The following BCR variants were observed in gnomAD, a reference collection of about 807,000 sequenced individuals.
The protein encoded by BCR is BCR activator of RhoGEF and GTPase.
In BCR, 58 loss-of-function variants were observed where a neutral mutation model predicts 138.6. The observed-to-expected ratio is 0.42, with a 90% confidence interval of 0.34 to 0.52. The LOEUF is 0.52. Ranked by LOEUF, BCR falls within the 20% of genes least tolerant of loss-of-function variation. The probability of loss-of-function intolerance (pLI) is 0.06; values close to 1 mark genes in which losing one functional copy is unlikely to be tolerated. For missense variants in BCR, 1,599 were observed against 1,727.2 expected (o/e 0.93, Z 1.32); for synonymous variants, 786 against 730.1 (o/e 1.08, Z -1.23).
At chr22:23,282,695 A>G (rs2146298366) in intron 8 of BCR, among the ~76,000 whole-genome samples, 1 of 152,170 alleles carries the variant, frequency 6.6e-6, no homozygotes, top group South Asian at 2.1e-4. Context: ...AGGCCTCATC[A>G]CTTCTCGAGA....
At chr22:23,204,423 T>A (rs1455723296) in intron 1 of BCR, among the ~76,000 whole-genome samples, 1 of 142,240 alleles carries the variant, frequency 7.0e-6, no homozygotes, top group Admixed American at 6.7e-5. Flanking sequence ...GTCATGTTGC[T>A]CTGAGTTCCC....
At position 23,240,757 on chromosome 22, in the gene BCR, A is replaced by G. The variant is rs572700281; in HGVS notation, c.1280-13042A>G. 5.3e-5 allele frequency among the ~76,000 whole-genome samples: 8 copies of G among 152,246 alleles called. No individual in the cohort carries two copies. The South Asian group carries it at 1.2e-3, about 24-fold the overall frequency. ...TGGTATTCAGTACATCCACATTATC[A>G]TACACCTGTCACTACTGTCCATCTC... is the stretch of plus-strand genomic sequence containing the variant. On this transcript the variant is annotated intron_variant, in intron 1 of 22. Coordinates refer to ENST00000305877, the MANE Select transcript of BCR (RefSeq NM_004327.4).
chr22:23,232,369 G>A (rs1282451471), intron 1 of BCR, among the ~76,000 whole-genome samples: 4 of 152,334 alleles, frequency 2.6e-5, no homozygotes, highest in Non-Finnish European at 5.9e-5. Context: ...GGCAGTGGTA[G>A]GGCTGGGTTT....
intron 8 of BCR, among the ~76,000 whole-genome samples, chr22:23,275,783 C>G (rs114574998): frequency 0.012 from 1,825 of 152,326 alleles, 31 homozygotes; most frequent in African/African-American, 0.042. Context: ...GATGCCTGCT[C>G]TTTCTCTTCT....
intron 1 of BCR, among the ~76,000 whole-genome samples, chr22:23,247,077 C>A (rs1444523007): frequency 6.6e-6 from 1 of 152,112 alleles, no homozygotes; most frequent in Non-Finnish European, 1.5e-5. Flanking sequence ...GAGGACAGTG[C>A]CTGCCTGACA....
rs2072223049 is a variant in BCR, at chr22:23,180,533, G to T, written c.-428G>T. 2 of 184,234 alleles carry T rather than the reference G, an allele frequency of 1.1e-5. No individual in the cohort carries two copies. The highest frequency in any genetic ancestry group is 1.6e-4 in the South Asian group (1 of 6,330). The allele number at this position is 184,234 out of a possible 1,614,324, so 11.4% of individuals were successfully genotyped here. A position where few individuals can be genotyped will look rare whatever the true frequency, so the allele number is the denominator to read the frequency against. On this transcript the variant is annotated 5_prime_UTR_variant, in exon 1 of 23. Transcript: ENST00000305877. Reference sequence around the variant, plus strand: ...CGCAGAGTGCGGGCCGGGCGGGAGTGCGGCGAGAGCCGGCTGGCTGAGCTT... The same window carrying T: ...CGCAGAGTGCGGGCCGGGCGGGAGTTCGGCGAGAGCCGGCTGGCTGAGCTT...
At chr22:23,289,711 T>C (rs2073762456) in intron 13 of BCR, 90 bp downstream of exon 13, 2 of 1,093,388 alleles carry the variant, frequency 1.8e-6, no homozygotes, top group Non-Finnish European at 2.8e-6. Context: ...TTAGCACTTT[T>C]GATGGGACTA....
At chr22:23,242,778 G>T (rs1315765312) in intron 1 of BCR, 12 of 439,088 alleles carry the variant, frequency 2.7e-5, no homozygotes, top group South Asian at 2.0e-4. Context: ...AATGCCACAA[G>T]CTTAGTGGCT....
chr22:23,308,873 T>C (rs2073977112), intron 16 of BCR, among the ~76,000 whole-genome samples: 1 of 152,142 alleles, frequency 6.6e-6, no homozygotes. Flanking sequence ...ACAGAGGGGC[T>C]TCCTCCCGGC....
chr22:23,254,570 C>CT, intron 2 of BCR: 2 of 455,058 alleles, frequency 4.4e-6, no homozygotes, highest in Admixed American at 2.2e-5. Flanking sequence ...TGGACCCACG[C>CT]CCCCCCTCAC....
intron 1 of BCR, among the ~76,000 whole-genome samples, chr22:23,194,432 A>T (rs187966013): frequency 4.6e-4 from 63 of 138,048 alleles, no homozygotes; most frequent in African/African-American, 1.7e-3. Flanking sequence ...TTTCTTTGAG[A>T]TGGGGTCTCG....
intron 1 of BCR, among the ~76,000 whole-genome samples, chr22:23,226,299 A>C (rs2072892041): frequency 7.3e-6 from 1 of 136,064 alleles, no homozygotes. Context: ...ATTGGCATTA[A>C]GTGTATGAGA....
intron 1 of BCR, among the ~76,000 whole-genome samples, chr22:23,194,427 T>C (rs2072452727): frequency 6.6e-6 from 1 of 151,698 alleles, no homozygotes; most frequent in South Asian, 2.1e-4. Flanking sequence ...TCTTTTTTCT[T>C]TGAGATGGGG....
intron 20 of BCR, 130 bp downstream of exon 20, chr22:23,313,151 A>C: frequency 8.4e-7 from 1 of 1,194,378 alleles, no homozygotes; most frequent in Non-Finnish European, 1.2e-6. Context: ...ATTTTAACCC[A>C]ACCTCAAAAA....
chr22:23,240,012 C>A (rs1386595393), intron 1 of BCR, among the ~76,000 whole-genome samples: 1 of 152,010 alleles, frequency 6.6e-6, no homozygotes, highest in Admixed American at 6.6e-5. Flanking sequence ...GAGACACGTT[C>A]TTGTTATGTT....
chr22:23,263,280 C>T (rs1204080053), intron 4 of BCR: 5 of 1,136,704 alleles, frequency 4.4e-6, no homozygotes, highest in South Asian at 1.3e-5. Context: ...CCTCGGCCGC[C>T]TGGCCCAGGT....
chr22:23,195,452 C>T (rs1250493131), intron 1 of BCR, among the ~76,000 whole-genome samples: 2 of 147,436 alleles, frequency 1.4e-5, no homozygotes, highest in African/African-American at 5.0e-5. Context: ...ATCAGCTGGG[C>T]ATGTTGGTGC....
intron 21 of BCR, 118 bp from the exon 22 acceptor site, chr22:23,314,434 T>A: frequency 1.7e-6 from 2 of 1,205,658 alleles, no homozygotes; most frequent in Admixed American, 2.0e-5. Flanking sequence ...GGAGTCAGCT[T>A]GCAGCACAGC....
intron 1 of BCR, among the ~76,000 whole-genome samples, chr22:23,189,641 C>T (rs1244280495): frequency 6.6e-6 from 1 of 152,182 alleles, no homozygotes; most frequent in Non-Finnish European, 1.5e-5. Flanking sequence ...GCTGGGATTA[C>T]AGGCGCCTGC....
Sources: allele counts gnomAD v4.1 joint callset (sites outside exome capture counted in the v4.1 genomes callset), GRCh38; gene constraint gnomAD v4.1.1; transcripts MANE v1.5; gene names NCBI Gene and HGNC (gene_info 2026-07-23, HGNC 2026-07-21).